RNF115: variants seen among roughly 807,000 people sequenced by gnomAD.
The protein encoded by RNF115 is E3 ubiquitin-protein ligase RNF115.
A neutral mutation model predicts 39.2 loss-of-function variants in RNF115; 31 were observed. The observed-to-expected ratio is 0.79, with a 90% confidence interval of 0.59 to 1.07. RNF115 has a LOEUF of 1.07. Ranked by LOEUF, RNF115 falls within the 50% of genes least tolerant of loss-of-function variation. RNF115 has a pLI of 0.00. For missense variants in RNF115, 384 were observed against 381.7 expected, an observed-to-expected ratio of 1.01 and a Z score of -0.05; for synonymous variants, 124 against 131.0, an observed-to-expected ratio of 0.95 and a Z score of 0.37.
intron 1 of RNF115, among the ~76,000 whole-genome samples, chr1:145,791,651 C>G (rs370658666): frequency 3.9e-5 from 6 of 152,106 alleles, no homozygotes; most frequent in Admixed American, 2.0e-4. Flanking sequence ...CCTAACAATT[C>G]TCAAATACCC....
intron 2 of RNF115, chr1:145,787,083 A>C (rs1485310812): frequency 8.2e-7 from 1 of 1,221,424 alleles, no homozygotes; most frequent in Non-Finnish European, 1.1e-6. Flanking sequence ...GTAACAGTAA[A>C]GGAATTACCT....
At chr1:145,767,110 G>A (rs1338160402) in intron 4 of RNF115, among the ~76,000 whole-genome samples, 4 of 151,004 alleles carry the variant, frequency 2.6e-5, no homozygotes, top group Admixed American at 6.6e-5. Flanking sequence ...CGGCTGGCCC[G>A]GCAGAGGGGC....
At chr1:145,779,757 G>C (rs895245172) in intron 3 of RNF115, among the ~76,000 whole-genome samples, 3 of 151,846 alleles carry the variant, frequency 2.0e-5, no homozygotes, top group Non-Finnish European at 4.4e-5. Flanking sequence ...CCGCCTCCTG[G>C]GTTCAAGCGA....
chr1:145,820,613 G>A (rs1257964516), intron 1 of RNF115, among the ~76,000 whole-genome samples: 1 of 152,150 alleles, frequency 6.6e-6, no homozygotes, highest in Non-Finnish European at 1.5e-5. Flanking sequence ...GCACGTGCCT[G>A]TAGTCCCCAC....
chr1:145,777,920 TTATGGTCTGTTCCTCA>T (rs587659181), intron 3 of RNF115, among the ~76,000 whole-genome samples: 48 of 152,332 alleles, frequency 3.2e-4, no homozygotes, highest in African/African-American at 1.2e-3. Flanking sequence ...TCTTAAAATA[TTATGGTCTGTTCCTCA>T]ATGAGTTGAA....
In RNF115 at chr1:145,739,128, C is replaced by CT. The variant is rs1190713507; in HGVS notation, c.*7737dup. 6.6e-6 allele frequency: 1 copy of CT among 152,272 alleles called. No homozygotes were observed. Among genetic ancestry groups the CT allele is most frequent in the Non-Finnish European group, 1.5e-5 (1 of 68,050 alleles). The allele number at this position is 152,272 out of a possible 1,614,324, so 9.4% of individuals were successfully genotyped here. On this transcript the variant is annotated 3_prime_UTR_variant, in exon 9 of 9. Transcript: ENST00000582693. The stretch of plus-strand genomic sequence containing the variant: ...CTTGTTAACCTCTTTGGTCATTTCT[C>CT]TTTTTAAATAAATGCCCATAGCAGT...
At chr1:145,767,148 C>G (rs1322620810) in intron 4 of RNF115, among the ~76,000 whole-genome samples, 2 of 150,674 alleles carry the variant, frequency 1.3e-5, no homozygotes, top group Admixed American at 1.3e-4. Context: ...GGGCGGCTGC[C>G]GGGCGGAGGG....
intron 3 of RNF115, among the ~76,000 whole-genome samples, chr1:145,779,287 A>C (rs1429676971): frequency 5.3e-5 from 8 of 150,538 alleles, no homozygotes; most frequent in Non-Finnish European, 1.2e-4. Context: ...AGATTCTCCC[A>C]CCTCCGCTTC....
At chr1:145,803,124 CAA>C (rs1178614707) in intron 1 of RNF115, among the ~76,000 whole-genome samples, 8 of 152,108 alleles carry the variant, frequency 5.3e-5, no homozygotes, top group African/African-American at 1.9e-4. Context: ...TCATTCATTA[CAA>C]GAAAGAGAAA....
chr1:145,817,972 T>A (rs1412881466), intron 1 of RNF115, among the ~76,000 whole-genome samples: 2 of 129,778 alleles, frequency 1.5e-5, no homozygotes, highest in African/African-American at 6.4e-5. Flanking sequence ...ATGATGTATA[T>A]GTACCATATT....
At chr1:145,764,082 T>C (rs992607481) in intron 4 of RNF115, among the ~76,000 whole-genome samples, 1 of 152,068 alleles carries the variant, frequency 6.6e-6, no homozygotes. Context: ...CCTGACTGGT[T>C]TTCGTATTTT....
intron 1 of RNF115, among the ~76,000 whole-genome samples, chr1:145,800,977 T>C (rs1305856003): frequency 6.6e-6 from 1 of 152,014 alleles, no homozygotes; most frequent in African/African-American, 2.4e-5. Context: ...GAGACCATCC[T>C]GGCTAACACG....
rs116012320 is a variant in RNF115 at position 145,800,677 on chromosome 1, C to T, written c.103-11711G>A. 8.8e-3 allele frequency among the ~76,000 whole-genome samples: 1,335 copies of T among 152,284 alleles called. 20 individuals are homozygous for T. Among genetic ancestry groups the T allele is most frequent in the African/African-American group, 0.03 (1,260 of 41,546 alleles). On this transcript the variant is annotated intron_variant, in intron 1 of 8. Transcript: ENST00000582693. The stretch of plus-strand genomic sequence containing the variant: ...ACACCATCTTGGATCCAGCCTAGGG[C>T]AGAGTCTTCAGATGGCCCCATCTCC...
Position 145,748,059 on chromosome 1 carries a change from T to G in RNF115, c.719A>C (p.Glu240Ala). 2 of 1,613,862 alleles carry G rather than the reference T, an allele frequency of 1.2e-6. No homozygotes were observed. The highest frequency in any genetic ancestry group is 1.7e-6 in the Non-Finnish European group (2 of 1,179,808). The change falls in exon 8 of 9, where the codon GAA becomes GCA. Residue 240 changes from glutamate (E) to alanine (A), a missense_variant. Physicochemically the swap from Glu to Ala is moderately radical, Grantham distance 107 (BLOSUM62 -1). Transcript: ENST00000582693. ...GTGATTGCAAGGTAACTGCCGGACT[T>G]CCTCTTCAACTGTGTAATCTTCTTT... ...VCKEDYTVEE[E>A]VRQLPCNHFF...
At position 145,743,011 on chromosome 1, in the gene RNF115, T is replaced by C. The variant is rs1559099098; in HGVS notation, c.*3855A>G. On this transcript the variant is annotated 3_prime_UTR_variant, in exon 9 of 9. Transcript: ENST00000582693. ...TGAACCACTTCTCATAGAGACACAT[T>C]ATTAACTTGGTGAAACTTAATTGGG... is the stretch of plus-strand genomic sequence containing the variant. 1 of 152,252 alleles carries C rather than the reference T, an allele frequency of 6.6e-6. No individual in the cohort carries two copies. The highest frequency in any genetic ancestry group is 2.1e-4 in the South Asian group (1 of 4,820). 9.4% of individuals were successfully genotyped at this position (152,252 alleles called of 1,614,324 possible).
At chr1:145,772,546 C>T (rs1170702597) in intron 3 of RNF115, 1 of 152,170 alleles carries the variant, frequency 6.6e-6, no homozygotes, top group African/African-American at 2.4e-5. Context: ...AATATGTTAT[C>T]CCACTGCCTT....
At chr1:145,758,465 C>T (rs1658382388) in intron 4 of RNF115, among the ~76,000 whole-genome samples, 1 of 152,158 alleles carries the variant, frequency 6.6e-6, no homozygotes, top group Admixed American at 6.5e-5. Flanking sequence ...AGCTAAATTG[C>T]TCCCAAATTC....
intron 1 of RNF115, 86 bp downstream of exon 1, chr1:145,823,686 T>A (rs1205474208): frequency 1.9e-5 from 20 of 1,068,610 alleles, no homozygotes; most frequent in African/African-American, 3.3e-5. Flanking sequence ...GAGTCAATGA[T>A]GTGCAGAAAG....
chr1:145,777,301 TA>T (rs1486817839), intron 3 of RNF115, among the ~76,000 whole-genome samples: 1 of 152,192 alleles, frequency 6.6e-6, no homozygotes. Context: ...GCTTTGATAC[TA>T]ACATACTTTA....
Sources: gnomAD v4.1 joint callset for allele counts (sites outside exome capture counted in the v4.1 genomes callset) on GRCh38, gnomAD v4.1.1 for gene constraint, MANE v1.5 for transcripts, NCBI Gene and HGNC (gene_info 2026-07-23, HGNC 2026-07-21) for gene names.